Variants in KALRN observed in about 807,000 individuals in gnomAD.
The protein encoded by KALRN is kalirin.
Under a neutral mutation model 353.7 loss-of-function variants are expected in KALRN, and 70 were observed. The observed-to-expected ratio is 0.20, with a 90% CI of 0.16 to 0.24. The LOEUF is 0.24. Among genes scored for constraint, KALRN ranks in the 10% least tolerant of loss-of-function variants. The pLI is 1.00. For missense variants in KALRN, 2,791 were observed against 3,756.7 expected, an observed-to-expected ratio of 0.74 and a Z score of 6.72; for synonymous variants, 1,391 against 1,434.8, an observed-to-expected ratio of 0.97 and a Z score of 0.69.
chr3:124,708,496 A>G (rs1451322995), intron 57 of KALRN, among the ~76,000 whole-genome samples: 1 of 152,226 alleles, frequency 6.6e-6, no homozygotes, highest in Non-Finnish European at 1.5e-5. Flanking sequence ...TTTTAAATTT[A>G]CAGCATGGAT....
chr3:124,493,741 G>A (rs192951958), intron 32 of KALRN, among the ~76,000 whole-genome samples: 1 of 152,352 alleles, frequency 6.6e-6, no homozygotes, highest in Non-Finnish European at 1.5e-5. Flanking sequence ...AGCCGCAGCA[G>A]CATTGGTCCT....
chr3:124,295,023 G>A (rs1407605792), intron 5 of KALRN, among the ~76,000 whole-genome samples: 2 of 152,184 alleles, frequency 1.3e-5, no homozygotes, highest in African/African-American at 4.8e-5. Flanking sequence ...ATGTATACAT[G>A]CACACGCATG....
chr3:124,144,253 T>C (rs1435244748), intron 1 of KALRN, among the ~76,000 whole-genome samples: 1 of 152,040 alleles, frequency 6.6e-6, no homozygotes, highest in African/African-American at 2.4e-5. Flanking sequence ...CAGCTAAAAA[T>C]AGCAGCATCA....
intron 27 of KALRN, among the ~76,000 whole-genome samples, chr3:124,480,546 A>T (rs548172302): frequency 6.6e-6 from 1 of 152,274 alleles, no homozygotes; most frequent in South Asian, 2.1e-4. Context: ...TTATTGAGAG[A>T]TGATTTCAGA....
chr3:124,110,908 G>T (rs943585192), intron 1 of KALRN, among the ~76,000 whole-genome samples: 1 of 152,084 alleles, frequency 6.6e-6, no homozygotes, highest in Non-Finnish European at 1.5e-5. Flanking sequence ...ACTCCTCCTG[G>T]TTGCCAAAAG....
intron 1 of KALRN, among the ~76,000 whole-genome samples, chr3:124,037,290 G>C (rs1010734077): frequency 6.6e-5 from 10 of 152,218 alleles, no homozygotes; most frequent in African/African-American, 2.4e-4. Flanking sequence ...TTAAAAAGTT[G>C]GCAGAACTAC....
intron 49 of KALRN, among the ~76,000 whole-genome samples, chr3:124,676,526 T>G (rs1274835655): frequency 6.6e-6 from 1 of 152,198 alleles, no homozygotes; most frequent in Non-Finnish European, 1.5e-5. Flanking sequence ...GGGAAGAATA[T>G]GAAACCAAGC....
intron 5 of KALRN, among the ~76,000 whole-genome samples, chr3:124,269,655 AC>A (rs1394352038): frequency 1.3e-5 from 2 of 152,218 alleles, no homozygotes; most frequent in African/African-American, 4.8e-5. Context: ...CAGCTAAGGA[AC>A]AAAAACAGTA....
intron 1 of KALRN, among the ~76,000 whole-genome samples, chr3:124,187,723 A>G (rs1194099633): frequency 6.6e-6 from 1 of 152,188 alleles, no homozygotes; most frequent in Non-Finnish European, 1.5e-5. Flanking sequence ...AAATAAAAGA[A>G]AGGGAACAGG....
At chr3:124,672,324 GT>G (rs1008965161) in intron 48 of KALRN, among the ~76,000 whole-genome samples, 52 of 152,156 alleles carry the variant, frequency 3.4e-4, no homozygotes, top group African/African-American at 1.1e-3. Flanking sequence ...TCTCAATTAT[GT>G]TTTCCTTTCC....
intron 46 of KALRN, 58 bp downstream of exon 46, chr3:124,666,692 C>T (rs2085670695): frequency 7.0e-7 from 1 of 1,435,892 alleles, no homozygotes; most frequent in African/African-American, 1.4e-5. Flanking sequence ...TTGGGAGCTG[C>T]TTCCCTAAGA....
intron 1 of KALRN, among the ~76,000 whole-genome samples, chr3:124,057,618 G>T (rs906964890): frequency 6.6e-6 from 1 of 152,050 alleles, no homozygotes; most frequent in East Asian, 1.9e-4. Context: ...ACTTGTGCGC[G>T]TGCCAAACTC....
intron 1 of KALRN, among the ~76,000 whole-genome samples, chr3:124,151,558 A>G (rs2149897157): frequency 6.6e-6 from 1 of 151,968 alleles, no homozygotes; most frequent in Non-Finnish European, 1.5e-5. Context: ...CCTTTTTCTT[A>G]TTGAGTTGTA....
chr3:124,176,808 C>A (rs776819982), intron 1 of KALRN, among the ~76,000 whole-genome samples: 1 of 152,196 alleles, frequency 6.6e-6, no homozygotes, highest in African/African-American at 2.4e-5. Flanking sequence ...TAGATTAGTT[C>A]TCTCCTTGCT....
In KALRN at chr3:124,666,709, C is replaced by G. The variant is rs73193781; in HGVS notation, c.6531+75C>G. The stretch of plus-strand genomic sequence containing the variant: ...GGGAGCTGCTTCCCTAAGACGAGGC[C>G]CTGGAGTTGTGACATCCAGAACCGT... On this transcript the variant is annotated intron_variant, in intron 46 of 59. Coordinates refer to ENST00000682506, the MANE Select transcript of KALRN (RefSeq NM_001388419.1). 8 of 1,260,360 alleles carry G rather than the reference C, an allele frequency of 6.3e-6. No homozygotes were observed. In the African/African-American group the frequency reaches 8.8e-5, roughly 14 times the overall value. 78.1% of individuals were successfully genotyped at this position (1,260,360 alleles called of 1,614,324 possible). A position where few individuals can be genotyped will look rare whatever the true frequency, so the allele number is the denominator to read the frequency against.
chr3:124,372,931 A>G (rs115852014), intron 10 of KALRN, among the ~76,000 whole-genome samples: 1 of 40,980 alleles, frequency 2.4e-5, no homozygotes, highest in Non-Finnish European at 4.6e-5. Context: ...ATGAGTGGCT[A>G]CAATTAGAGT....
intron 1 of KALRN, among the ~76,000 whole-genome samples, chr3:124,052,153 G>T (rs1004403990): frequency 6.6e-6 from 1 of 152,098 alleles, no homozygotes; most frequent in African/African-American, 2.4e-5. Context: ...AAGACTGCTT[G>T]GTCAGTCCTC....
In KALRN at chr3:124,633,835, C is replaced by T; in HGVS notation, c.5467-17C>T. ...GTTTGTGACACAGTAACTAATGCTGCTCTTTTGTTCTAGAAGAGCAAGAAA... is the reference window on the plus strand; with the variant it reads ...GTTTGTGACACAGTAACTAATGCTGTTCTTTTGTTCTAGAAGAGCAAGAAA... On this transcript the variant is annotated splice_polypyrimidine_tract_variant and intron_variant, in intron 35 of 59. Transcript: ENST00000682506. The T allele has an allele frequency of 1.2e-6, 2 of 1,609,104 alleles. No homozygotes were observed. The highest frequency in any genetic ancestry group is 1.7e-6 in the Non-Finnish European group (2 of 1,176,112).
intron 10 of KALRN, among the ~76,000 whole-genome samples, chr3:124,375,878 GA>G (rs1040869534): frequency 6.6e-6 from 1 of 152,166 alleles, no homozygotes; most frequent in African/African-American, 2.4e-5. Context: ...AGGGATCAGT[GA>G]AAGAGAGCAC....
Sources: allele counts gnomAD v4.1 joint callset (sites outside exome capture counted in the v4.1 genomes callset), GRCh38; gene constraint gnomAD v4.1.1; transcripts MANE v1.5; gene names NCBI Gene and HGNC (gene_info 2026-07-23, HGNC 2026-07-21).